SVIL: variants seen among roughly 807,000 people sequenced by gnomAD.
SVIL encodes archvillin.
A neutral mutation model predicts 240.4 loss-of-function variants in SVIL; 101 were observed. That is an observed-to-expected ratio of 0.42 (90% CI 0.36 to 0.50). The LOEUF (loss-of-function observed/expected upper bound fraction) is 0.50, where lower values mean the gene tolerates loss of function less well. SVIL is among the 20% of genes least tolerant of loss of function. The pLI, the probability that SVIL is intolerant of heterozygous loss-of-function variation, is 0.01. For missense variants in SVIL, 2,512 were observed against 2,818.7 expected, an observed-to-expected ratio of 0.89 and a Z score of 2.46; for synonymous variants, 999 against 1,100.0, an observed-to-expected ratio of 0.91 and a Z score of 1.82.
chr10:29,621,004 A>G (rs1957617111), intron 1 of SVIL, among the ~76,000 whole-genome samples: 1 of 141,512 alleles, frequency 7.1e-6, no homozygotes, highest in African/African-American at 2.7e-5. Context: ...GCGTCTCACT[A>G]TATTTCCCAG....
In SVIL at chr10:29,552,992, T is replaced by A. The variant is rs139150445; in HGVS notation, c.161-1729A>T. Among the ~76,000 whole-genome samples, 269 of 152,270 alleles carry A rather than the reference T, an allele frequency of 1.8e-3. 3 individuals are homozygous for A. In the South Asian group the frequency reaches 0.018, roughly 10 times the overall value. Reference sequence around the variant, plus strand: ...TGTATTGATATTTCAAGCGTGTAATTACTTTTTAAGAGGTGGAGTCTGGCC... The same window carrying A: ...TGTATTGATATTTCAAGCGTGTAATAACTTTTTAAGAGGTGGAGTCTGGCC... On this transcript the variant is annotated intron_variant, in intron 5 of 37. Transcript: ENST00000355867.
At chr10:29,600,706 G>A (rs568560282) in intron 1 of SVIL, among the ~76,000 whole-genome samples, 1 of 152,242 alleles carries the variant, frequency 6.6e-6, no homozygotes, top group South Asian at 2.1e-4. Flanking sequence ...AAATATTGGG[G>A]CACAAAAGGA....
At chr10:29,695,766 A>T (rs866052760) in intron 1 of SVIL, among the ~76,000 whole-genome samples, 4 of 151,506 alleles carry the variant, frequency 2.6e-5, no homozygotes, top group African/African-American at 9.7e-5. Flanking sequence ...AAAATAAAAA[A>T]TAAGATGTAC....
chr10:29,670,616 T>C (rs1959691020), intron 2 of SVIL, among the ~76,000 whole-genome samples: 1 of 152,148 alleles, frequency 6.6e-6, no homozygotes, highest in South Asian at 2.1e-4. Context: ...GCTTTATAGA[T>C]TATTTTCTTC....
At chr10:29,537,110 T>G (rs1951799947) in intron 6 of SVIL, among the ~76,000 whole-genome samples, 1 of 151,894 alleles carries the variant, frequency 6.6e-6, no homozygotes. Context: ...AAGAAGATAA[T>G]TAAAATAAAT....
chr10:29,630,918 C>G (rs1958062694), intron 1 of SVIL, among the ~76,000 whole-genome samples: 2 of 152,158 alleles, frequency 1.3e-5, no homozygotes, highest in Non-Finnish European at 2.9e-5. Context: ...GCCCACTGGG[C>G]TAGACCCTGG....
intron 6 of SVIL, among the ~76,000 whole-genome samples, chr10:29,540,252 A>T (rs1952048093): frequency 6.6e-6 from 1 of 152,134 alleles, no homozygotes. Context: ...TGGTCTCACT[A>T]ACATCATCCC....
intron 2 of SVIL, among the ~76,000 whole-genome samples, chr10:29,565,737 A>T (rs1589275617): frequency 6.6e-6 from 1 of 151,666 alleles, no homozygotes; most frequent in South Asian, 2.1e-4. Flanking sequence ...AAAAAAAAAT[A>T]GGAAAATTAG....
chr10:29,650,219 T>C (rs1958793981), intron 3 of SVIL, among the ~76,000 whole-genome samples: 1 of 152,318 alleles, frequency 6.6e-6, no homozygotes, highest in Middle Eastern at 3.4e-3. Context: ...TAATATTTTC[T>C]CAAGAGAAGA....
chr10:29,697,080 C>G (rs1357894180), intron 1 of SVIL, among the ~76,000 whole-genome samples: 1 of 129,770 alleles, frequency 7.7e-6, no homozygotes, highest in East Asian at 2.7e-4. Context: ...TCTGCCCGGC[C>G]ACCCCTACTG....
intron 1 of SVIL, among the ~76,000 whole-genome samples, chr10:29,580,302 C>T (rs908202977): frequency 2.6e-5 from 4 of 152,206 alleles, no homozygotes; most frequent in Admixed American, 6.5e-5. Context: ...GAGCTATGAT[C>T]ACGCCACTGC....
chr10:29,469,997 G>T (rs1347232004), intron 32 of SVIL, among the ~76,000 whole-genome samples: 1 of 152,200 alleles, frequency 6.6e-6, no homozygotes, highest in African/African-American at 2.4e-5. Context: ...TATGAAGAAA[G>T]AACCCAGAGT....
At chr10:29,716,147 G>GT (rs973869788) in intron 1 of SVIL, among the ~76,000 whole-genome samples, 2 of 152,044 alleles carry the variant, frequency 1.3e-5, no homozygotes, top group Non-Finnish European at 2.9e-5. Flanking sequence ...CCATTTAAAT[G>GT]TTTTTTTCTA....
rs1588924449 is a variant in SVIL, at chr10:29,484,563, T to C, written c.4955+93A>G. ...AATCGTTTATGAAAACTGAACCCTA[T>C]AAAGAGCGAGAGTAGAGGACTGTGG... On this transcript the variant is annotated intron_variant, in intron 27 of 37. Coordinates refer to ENST00000355867, the MANE Select transcript of SVIL (RefSeq NM_021738.3). The surrounding 1 kb of genome is among the most constrained non-coding windows in gnomAD (Gnocchi z 4.7). 1 of 1,171,406 alleles carries C rather than the reference T, an allele frequency of 8.5e-7. No individual in the cohort carries two copies. Among genetic ancestry groups the C allele is most frequent in the South Asian group, 1.7e-5 (1 of 57,848 alleles). The allele number at this position is 1,171,406 out of a possible 1,614,324, so 72.6% of individuals were successfully genotyped here. A position where few individuals can be genotyped will look rare whatever the true frequency, so the allele number is the denominator to read the frequency against.
At chr10:29,718,436 C>A (rs1198548725) in intron 1 of SVIL, among the ~76,000 whole-genome samples, 2 of 152,004 alleles carry the variant, frequency 1.3e-5, no homozygotes, top group African/African-American at 4.8e-5. Flanking sequence ...ATCTAGGGAC[C>A]CTGGCTACTC....
At chr10:29,559,342 T>C (rs1020688573) in intron 3 of SVIL, among the ~76,000 whole-genome samples, 1 of 152,184 alleles carries the variant, frequency 6.6e-6, no homozygotes, top group Non-Finnish European at 1.5e-5. Flanking sequence ...TATGTGTCTA[T>C]GTACATACAT....
chr10:29,481,832 C>T (rs1160971120), intron 27 of SVIL, 104 bp from the exon 28 acceptor site: 6 of 1,085,158 alleles, frequency 5.5e-6, no homozygotes, highest in Non-Finnish European at 8.1e-6. Flanking sequence ...TGGAAAAAAC[C>T]TCAAAGTACG....
intron 1 of SVIL, among the ~76,000 whole-genome samples, chr10:29,699,689 G>C (rs1333983948): frequency 1.3e-5 from 2 of 152,200 alleles, no homozygotes; most frequent in Non-Finnish European, 2.9e-5. Flanking sequence ...AGTAAGTTCT[G>C]CTCAATTCTT....
chr10:29,491,536 A>G (rs950715635), intron 21 of SVIL, among the ~76,000 whole-genome samples: 1 of 152,158 alleles, frequency 6.6e-6, no homozygotes, highest in Admixed American at 6.5e-5. Context: ...CTTCCACTTA[A>G]CGCACTGCCT....
Sources: allele counts gnomAD v4.1 joint callset (sites outside exome capture counted in the v4.1 genomes callset), GRCh38; gene constraint gnomAD v4.1.1; non-coding constraint Gnocchi (gnomAD v3.1); transcripts MANE v1.5; gene names NCBI Gene and HGNC (gene_info 2026-07-23, HGNC 2026-07-21).